The following MYO9A variants were observed in gnomAD, a reference collection of about 807,000 sequenced individuals.
MYO9A encodes the protein unconventional myosin-IXa.
Under a neutral mutation model 293.3 loss-of-function variants are expected in MYO9A, and 103 were observed. The observed-to-expected ratio is 0.35, with a 90% CI of 0.30 to 0.41. The LOEUF is 0.41. Among genes scored for constraint, MYO9A ranks in the 10% least tolerant of loss-of-function variants. The pLI is 1.00. For missense variants in MYO9A, 2,685 were observed against 3,033.0 expected (o/e 0.89, Z 2.69); for synonymous variants, 1,001 against 1,035.7 (o/e 0.97, Z 0.64).
At chr15:72,101,586 A>G (rs2080326689) in intron 1 of MYO9A, among the ~76,000 whole-genome samples, 1 of 109,442 alleles carries the variant, frequency 9.1e-6, no homozygotes, top group African/African-American at 3.6e-5. Flanking sequence ...GGCCGCCCCT[A>G]CTGGGAAGTG....
intron 18 of MYO9A, among the ~76,000 whole-genome samples, chr15:71,918,957 G>A (rs1447565383): frequency 6.6e-6 from 1 of 152,032 alleles, no homozygotes; most frequent in Non-Finnish European, 1.5e-5. Context: ...GCCCTCACAA[G>A]ACTTGGTTTT....
chr15:72,096,169 A>G (rs2080056463), intron 1 of MYO9A, among the ~76,000 whole-genome samples: 1 of 149,970 alleles, frequency 6.7e-6, no homozygotes, highest in Non-Finnish European at 1.5e-5. Context: ...TCAAAAAAAA[A>G]AAAAAAAGAA....
intron 1 of MYO9A, among the ~76,000 whole-genome samples, chr15:72,110,574 A>C (rs1252519108): frequency 1.3e-5 from 2 of 152,222 alleles, no homozygotes; most frequent in Non-Finnish European, 2.9e-5. Flanking sequence ...CAATTATTTA[A>C]GGAATGTTTG....
At chr15:72,116,923 C>G (rs2081002541) in intron 1 of MYO9A, 1 of 152,268 alleles carries the variant, frequency 6.6e-6, no homozygotes, top group African/African-American at 2.4e-5. Flanking sequence ...CAGCCCAACC[C>G]CTCCAAACAT....
At chr15:71,882,522 G>A (rs1051201488) in intron 28 of MYO9A, among the ~76,000 whole-genome samples, 1 of 152,258 alleles carries the variant, frequency 6.6e-6, no homozygotes, top group Non-Finnish European at 1.5e-5. Context: ...TGTAATCCCA[G>A]CACTTTGGGA....
At chr15:71,973,010 T>G (rs1042714164) in intron 12 of MYO9A, among the ~76,000 whole-genome samples, 1 of 152,204 alleles carries the variant, frequency 6.6e-6, no homozygotes, top group Non-Finnish European at 1.5e-5. Flanking sequence ...AATAATCCCT[T>G]AATTATTGTT....
chr15:72,083,899 A>G (rs1206372158), intron 1 of MYO9A, among the ~76,000 whole-genome samples: 1 of 152,212 alleles, frequency 6.6e-6, no homozygotes, highest in Non-Finnish European at 1.5e-5. Context: ...GCATTTGCAG[A>G]GAAACATGTC....
chr15:71,833,979 C>T (rs1287239263), intron 39 of MYO9A, among the ~76,000 whole-genome samples: 2 of 151,840 alleles, frequency 1.3e-5, no homozygotes, highest in Admixed American at 1.3e-4. Flanking sequence ...TAAAGAACAA[C>T]ATAATAAATT....
chr15:71,847,131 A>G (rs2055421756), intron 39 of MYO9A, among the ~76,000 whole-genome samples: 1 of 152,252 alleles, frequency 6.6e-6, no homozygotes, highest in Admixed American at 6.5e-5. Flanking sequence ...TAATGATTCA[A>G]CCAAAGAAGA....
At chr15:71,868,656 A>G (rs1354992278) in intron 32 of MYO9A, among the ~76,000 whole-genome samples, 1 of 152,206 alleles carries the variant, frequency 6.6e-6, no homozygotes, top group Non-Finnish European at 1.5e-5. Context: ...TTGTTCAATG[A>G]TAAAAGCAAA....
At chr15:71,926,809 C>T (rs972039931) in intron 18 of MYO9A, among the ~76,000 whole-genome samples, 2 of 152,214 alleles carry the variant, frequency 1.3e-5, no homozygotes, top group Non-Finnish European at 2.9e-5. Flanking sequence ...ACCAGACAGC[C>T]TGGCCCTCAG....
intron 4 of MYO9A, among the ~76,000 whole-genome samples, chr15:72,022,151 T>G (rs2077519554): frequency 6.6e-6 from 1 of 152,158 alleles, no homozygotes. Context: ...AATCAGACAG[T>G]AGGAATAAAA....
At chr15:71,926,829 G>C (rs1162641687) in intron 18 of MYO9A, among the ~76,000 whole-genome samples, 2 of 152,268 alleles carry the variant, frequency 1.3e-5, no homozygotes, top group East Asian at 3.9e-4. Flanking sequence ...GACCCTGCAG[G>C]GTACACATGC....
At chr15:71,996,403 A>T (rs2076699930) in intron 9 of MYO9A, among the ~76,000 whole-genome samples, 2 of 152,224 alleles carry the variant, frequency 1.3e-5, no homozygotes, top group African/African-American at 4.8e-5. Context: ...CAGATAGGCC[A>T]ATACGATACC....
In MYO9A at chr15:72,010,437, G is replaced by A. The variant is rs745456369; in HGVS notation, c.1166C>T (p.Thr389Met). Residue 389 changes from threonine to methionine, a missense_variant, in exon 7 of 42, where the codon ACG becomes ATG. Physicochemically the swap from Thr to Met is moderately conservative, Grantham distance 81. Transcript: ENST00000356056. The stretch of plus-strand genomic sequence containing the variant: ...ATGTCTCAAATCTTCTCCTTCCACC[G>A]TGAAGCAATCCTGCTTATTTAAAAT... ...YCYDSEPDCF[T>M]VEGEDLRHDF... 2.0e-5 allele frequency: 32 copies of A among 1,612,140 alleles called. No homozygotes were observed. The highest frequency in any genetic ancestry group is 2.7e-5 in the African/African-American group (2 of 74,818).
intron 19 of MYO9A, among the ~76,000 whole-genome samples, chr15:71,912,242 T>C (rs1034199195): frequency 6.6e-6 from 1 of 151,484 alleles, no homozygotes; most frequent in African/African-American, 2.4e-5. Flanking sequence ...TAGCCAATTA[T>C]TTTAAAAAGA....
chr15:72,100,788 G>A (rs1157983267), intron 1 of MYO9A, among the ~76,000 whole-genome samples: 2 of 151,366 alleles, frequency 1.3e-5, no homozygotes, highest in South Asian at 2.1e-4. Context: ...GAGAAATGAG[G>A]AGCCTCTCCG....
intron 39 of MYO9A, among the ~76,000 whole-genome samples, chr15:71,837,797 T>C (rs1423637133): frequency 6.6e-6 from 1 of 152,174 alleles, no homozygotes; most frequent in African/African-American, 2.4e-5. Flanking sequence ...AAAATACTAA[T>C]ATTGTGTTAA....
intron 32 of MYO9A, among the ~76,000 whole-genome samples, chr15:71,865,584 T>A (rs1271036843): frequency 6.6e-6 from 1 of 152,160 alleles, no homozygotes; most frequent in Non-Finnish European, 1.5e-5. Context: ...TAAGTCAATA[T>A]GAAAATTTCA....
Sources: allele counts gnomAD v4.1 joint callset (sites outside exome capture counted in the v4.1 genomes callset), GRCh38; gene constraint gnomAD v4.1.1; transcripts MANE v1.5; gene names NCBI Gene and HGNC (gene_info 2026-07-23, HGNC 2026-07-21).